Variants in DDHD1 observed in about 807,000 individuals in gnomAD.
DDHD1 encodes the protein DDHD domain containing 1.
Under a neutral mutation model 96.4 loss-of-function variants are expected in DDHD1, and 49 were observed. That is an observed-to-expected ratio of 0.51 (90% CI 0.40 to 0.64). The LOEUF is 0.64. Ranked by LOEUF, DDHD1 falls within the 30% of genes least tolerant of loss-of-function variation. The pLI is 0.00. For synonymous variants in DDHD1, 442 were observed against 446.5 expected (o/e 0.99, Z 0.13); for missense variants, 1,106 against 1,161.2 (o/e 0.95, Z 0.69).
Position 53,100,487 on chromosome 14 carries a change from T to C in DDHD1, c.1012+3196A>G, listed in dbSNP as rs555598448. ...TGTCTCCAAAAAGTAAAATAAAATATATAAGAGTATGCTCACAGGTTACAT... is the reference window on the plus strand; with the variant it reads ...TGTCTCCAAAAAGTAAAATAAAATACATAAGAGTATGCTCACAGGTTACAT... On this transcript the variant is annotated intron_variant, in intron 2 of 12. Coordinates refer to ENST00000673822, the MANE Select transcript of DDHD1 (RefSeq NM_001160148.2). 2.6e-5 allele frequency among the ~76,000 whole-genome samples: 4 copies of C among 152,090 alleles called. No homozygotes were observed. The East Asian group carries it at 5.8e-4, about 22-fold the overall frequency.
intron 2 of DDHD1, among the ~76,000 whole-genome samples, chr14:53,099,555 G>A (rs1051918242): frequency 6.6e-6 from 1 of 152,080 alleles, no homozygotes; most frequent in Admixed American, 6.5e-5. Flanking sequence ...CATTTTTTGG[G>A]CAGAGTGATG....
intron 1 of DDHD1, 108 bp downstream of exon 1, chr14:53,152,151 CAG>C: frequency 8.8e-7 from 1 of 1,133,104 alleles, no homozygotes. Context: ...AGCCAAACGC[CAG>C]GCCTCACGCG....
chr14:53,055,882 G>C lies in DDHD1; in HGVS notation c.2023C>G (p.His675Asp). The change falls in exon 10 of 13, where the codon CAC becomes GAC. Residue 675 changes from histidine (H) to aspartate (D), a missense_variant. By Grantham distance (81) the His-to-Asp change is moderately conservative. Around this residue, in one of 2 missense-constraint regions of DDHD1, gnomAD observed 650 missense variants for 758.8 expected, o/e 0.86. Coordinates refer to ENST00000673822, the MANE Select transcript of DDHD1 (RefSeq NM_001160148.2). The part of the protein sequence containing the change: ...AYRLEPLILK[H>D]YSNISPVQIH... ...TGGACAGGTGAAATGTTGCTGTAGT[G>C]TTTCAGTATTAATGGTTCTAATCTA... 6.2e-7 allele frequency: 1 copy of C among 1,613,064 alleles called. No homozygotes were observed. Among genetic ancestry groups the C allele is most frequent in the South Asian group, 1.1e-5 (1 of 91,040 alleles).
At chr14:53,099,951 A>G (rs1036551922) in intron 2 of DDHD1, among the ~76,000 whole-genome samples, 1 of 152,158 alleles carries the variant, frequency 6.6e-6, no homozygotes, top group African/African-American at 2.4e-5. Context: ...TTTTAATTCA[A>G]TGCTCATTTT....
intron 1 of DDHD1, among the ~76,000 whole-genome samples, chr14:53,137,060 A>C (rs1049122074): frequency 1.3e-5 from 2 of 152,214 alleles, no homozygotes; most frequent in Non-Finnish European, 2.9e-5. Context: ...AAATACAAAC[A>C]TGATGAGGAA....
At chr14:53,061,260 T>A in intron 7 of DDHD1, 59 bp from the exon 8 acceptor site, 2 of 1,457,616 alleles carry the variant, frequency 1.4e-6, no homozygotes, top group East Asian at 5.0e-5. Flanking sequence ...AAATATTAGA[T>A]GCTTGCTAGC....
intron 1 of DDHD1, among the ~76,000 whole-genome samples, chr14:53,105,149 T>G (rs539594457): frequency 4.7e-4 from 71 of 152,214 alleles, no homozygotes; most frequent in African/African-American, 1.6e-3. Context: ...AAAACTTCAG[T>G]ATGGACTAGT....
chr14:53,067,147 ATTCCTT>A (rs1884093525), intron 6 of DDHD1, among the ~76,000 whole-genome samples: 1 of 149,920 alleles, frequency 6.7e-6, no homozygotes, highest in Admixed American at 6.6e-5. Flanking sequence ...CCGGGAAACT[ATTCCTT>A]TTCTTTTTTT....
At chr14:53,118,429 A>G (rs1300213039) in intron 1 of DDHD1, among the ~76,000 whole-genome samples, 2 of 152,158 alleles carry the variant, frequency 1.3e-5, no homozygotes, top group East Asian at 3.9e-4. Flanking sequence ...GATTAGATGA[A>G]TGGCTAACAA....
In DDHD1 at chr14:53,126,363, C is replaced by A. The variant is rs1889438293; in HGVS notation, c.839-22507G>T. On this transcript the variant is annotated intron_variant, in intron 1 of 12. Transcript: ENST00000673822. ...ACATCTAAATGTAGTGTCTGCATAC[C>A]CTATTTTACTCTTTTTGAGACAGGG... 1.3e-5 allele frequency among the ~76,000 whole-genome samples: 2 copies of A among 151,838 alleles called. 1 individual carries two copies. The highest frequency in any genetic ancestry group is 3.9e-4 in the East Asian group (2 of 5,180).
intron 1 of DDHD1, among the ~76,000 whole-genome samples, chr14:53,127,585 G>T (rs1169091276): frequency 6.6e-6 from 1 of 152,202 alleles, no homozygotes; most frequent in African/African-American, 2.4e-5. Flanking sequence ...TAACCGTGAA[G>T]AATCCTCAGC....
intron 3 of DDHD1, chr14:53,092,821 C>T (rs1247281892): frequency 6.5e-6 from 1 of 152,944 alleles, no homozygotes; most frequent in African/African-American, 2.4e-5. Flanking sequence ...TGTACTCCAG[C>T]CTGGGAGACA....
intron 8 of DDHD1, among the ~76,000 whole-genome samples, chr14:53,060,168 G>C (rs1883428579): frequency 1.3e-5 from 2 of 152,102 alleles, no homozygotes; most frequent in South Asian, 4.1e-4. Flanking sequence ...CAGTATACTA[G>C]ACATGAGCAA....
chr14:53,087,086 G>C (rs189272438), intron 4 of DDHD1, among the ~76,000 whole-genome samples: 2,048 of 151,774 alleles, frequency 0.013, 17 homozygotes, highest in Non-Finnish European at 0.022. Flanking sequence ...ATGGTAAAGG[G>C]ATCAATTCAA....
intron 2 of DDHD1, among the ~76,000 whole-genome samples, chr14:53,095,900 T>A (rs1276520542): frequency 6.6e-6 from 1 of 152,110 alleles, no homozygotes; most frequent in African/African-American, 2.4e-5. Context: ...CCATATATCA[T>A]CTTAAACCAT....
At chr14:53,144,071 A>G (rs537229704) in intron 1 of DDHD1, among the ~76,000 whole-genome samples, 90 of 152,368 alleles carry the variant, frequency 5.9e-4, no homozygotes, top group African/African-American at 2.0e-3. Context: ...TTCACTATAC[A>G]TGAGACATAG....
intron 1 of DDHD1, among the ~76,000 whole-genome samples, chr14:53,110,889 T>C (rs1275331137): frequency 6.6e-6 from 1 of 152,006 alleles, no homozygotes; most frequent in African/African-American, 2.4e-5. Flanking sequence ...GGCAGAAGAA[T>C]CTCTTGAACC....
intron 2 of DDHD1, among the ~76,000 whole-genome samples, chr14:53,096,505 C>A (rs1212871918): frequency 1.3e-5 from 2 of 151,938 alleles, no homozygotes; most frequent in Admixed American, 6.6e-5. Flanking sequence ...TAAAAAAGAA[C>A]ATAACATTTT....
Position 53,091,911 on chromosome 14 carries a change from A to G in DDHD1, c.1163T>C (p.Leu388Pro). 1 of 1,610,054 alleles carries G rather than the reference A, an allele frequency of 6.2e-7. No individual in the cohort carries two copies. The highest frequency in any genetic ancestry group is 8.5e-7 in the Non-Finnish European group (1 of 1,177,540). Residue 388 changes from leucine to proline, a missense_variant, in exon 4 of 13, where the codon CTT (leucine) becomes CCT (proline). By Grantham distance (98) the Leu-to-Pro change is moderately conservative. This residue lies in a region of DDHD1 where 650 missense variants were observed against 758.8 expected (regional missense o/e 0.86). Transcript: ENST00000673822. ...FSKASSSGTR[L>P]HRGYVEEATL... ...GGCTTCTTCTACATAACCTCTATGA[A>G]GTCTGGTACCACTACTTGATGCTGT...
Sources: gnomAD v4.1 joint callset for allele counts (sites outside exome capture counted in the v4.1 genomes callset) on GRCh38, gnomAD v4.1.1 for gene constraint, gnomAD v4.1.1 regional missense constraint, MANE v1.5 for transcripts, NCBI Gene and HGNC (gene_info 2026-07-23, HGNC 2026-07-21) for gene names.